NEDD9: variants seen among roughly 807,000 people sequenced by gnomAD.
NEDD9 encodes the protein neural precursor cell expressed, developmentally down-regulated 9.
NEDD9 carries 26 observed loss-of-function variants against 76.6 expected under a neutral mutation model. The observed-to-expected ratio is 0.34, with a 90% confidence interval of 0.25 to 0.47. The LOEUF (loss-of-function observed/expected upper bound fraction) is 0.47, where lower values mean the gene tolerates loss of function less well. Ranked by LOEUF, NEDD9 falls within the 20% of genes least tolerant of loss-of-function variation. The pLI is 1.00. For synonymous variants in NEDD9, 392 were observed against 414.2 expected, an observed-to-expected ratio of 0.95 and a Z score of 0.65; for missense variants, 937 against 1,058.5, an observed-to-expected ratio of 0.89 and a Z score of 1.59.
In NEDD9 at chr6:11,380,798, GTCT is replaced by G. The variant is rs148561911; in HGVS notation, c.-214+1338_-214+1340del. On this transcript the variant is annotated intron_variant, in intron 1 of 3. Coordinates refer to the NEDD9 transcript ENST00000397378. Reference sequence around the variant, plus strand: ...CTGCTTTTATATCTTCCTAGTCATCGTCTTCTTCTTCTTCTTCTTCTTCTTCTT... The same window carrying G: ...CTGCTTTTATATCTTCCTAGTCATCGTCTTCTTCTTCTTCTTCTTCTTCTT... 8.2e-3 allele frequency among the ~76,000 whole-genome samples: 1,234 copies of G among 149,758 alleles called. 8 individuals are homozygous for G. Among genetic ancestry groups the G allele is most frequent in the African/African-American group, 0.02 (817 of 41,122 alleles).
chr6:11,341,034 T>C (rs1401040884), intron 1 of NEDD9, among the ~76,000 whole-genome samples: 1 of 152,178 alleles, frequency 6.6e-6, no homozygotes, highest in Admixed American at 6.5e-5. Context: ...ACCCTTTCCA[T>C]TGACGTCCCC....
intron 3 of NEDD9, among the ~76,000 whole-genome samples, chr6:11,273,307 A>C (rs1382736370): frequency 6.6e-6 from 1 of 152,254 alleles, no homozygotes; most frequent in Non-Finnish European, 1.5e-5. Context: ...ATGTGTATCC[A>C]AGTTGAGATT....
At chr6:11,238,049 T>A (rs1193491612) in intron 3 of NEDD9, among the ~76,000 whole-genome samples, 1 of 152,200 alleles carries the variant, frequency 6.6e-6, no homozygotes, top group African/African-American at 2.4e-5. Context: ...TCCAGAAACC[T>A]CCTCAAAGAC....
chr6:11,329,591 G>A (rs1761992220), intron 2 of NEDD9, among the ~76,000 whole-genome samples: 1 of 152,160 alleles, frequency 6.6e-6, no homozygotes, highest in Non-Finnish European at 1.5e-5. Context: ...CACTTACAAT[G>A]TGCCTGACCT....
At chr6:11,221,884 C>A (rs1411450816) in intron 1 of NEDD9, among the ~76,000 whole-genome samples, 2 of 152,098 alleles carry the variant, frequency 1.3e-5, no homozygotes, top group African/African-American at 2.4e-5. Flanking sequence ...AACAATAAAA[C>A]AACCATCTGG....
chr6:11,342,491 G>A (rs138336975), intron 1 of NEDD9, among the ~76,000 whole-genome samples: 268 of 152,254 alleles, frequency 1.8e-3, no homozygotes, highest in Non-Finnish European at 2.4e-3. Flanking sequence ...ATCAGAAACA[G>A]TAGAGGCTAG....
chr6:11,309,755 T>G (rs1168135635), intron 2 of NEDD9, among the ~76,000 whole-genome samples: 1 of 152,156 alleles, frequency 6.6e-6, no homozygotes, highest in Non-Finnish European at 1.5e-5. Flanking sequence ...TATTTGTATA[T>G]GAAGATACTG....
At chr6:11,211,365 G>T (rs1264206254) in intron 2 of NEDD9, among the ~76,000 whole-genome samples, 1 of 152,108 alleles carries the variant, frequency 6.6e-6, no homozygotes, top group Non-Finnish European at 1.5e-5. Flanking sequence ...GAAAAGGTTG[G>T]GTCTAAAAAG....
intron 3 of NEDD9, among the ~76,000 whole-genome samples, chr6:11,265,879 G>A (rs187944126): frequency 3.3e-4 from 50 of 152,242 alleles, no homozygotes; most frequent in Admixed American, 5.9e-4. Flanking sequence ...CATGTCTTTT[G>A]CAGCAAAATG....
chr6:11,207,361 T>C (rs1169039841), intron 2 of NEDD9: 1 of 152,256 alleles, frequency 6.6e-6, no homozygotes, highest in Non-Finnish European at 1.5e-5. Flanking sequence ...TGTATGTGTA[T>C]GTGTATGTAC....
chr6:11,311,149 G>C (rs1420865177), intron 2 of NEDD9, among the ~76,000 whole-genome samples: 1 of 152,114 alleles, frequency 6.6e-6, no homozygotes, highest in Non-Finnish European at 1.5e-5. Flanking sequence ...CCTTCATCCA[G>C]GCAGGGCAGG....
intron 1 of NEDD9, among the ~76,000 whole-genome samples, chr6:11,347,091 T>A (rs1202502226): frequency 6.6e-6 from 1 of 152,118 alleles, no homozygotes; most frequent in African/African-American, 2.4e-5. Flanking sequence ...CTCAGGTCCT[T>A]GTGTTTCCAC....
chr6:11,343,595 A>G (rs201527364), intron 1 of NEDD9, among the ~76,000 whole-genome samples: 1 of 152,334 alleles, frequency 6.6e-6, no homozygotes, highest in East Asian at 1.9e-4. Context: ...TTGGGCAAGA[A>G]CTTTTGCCTG....
chr6:11,265,915 G>A (rs1226022701), intron 3 of NEDD9, among the ~76,000 whole-genome samples: 2 of 151,790 alleles, frequency 1.3e-5, no homozygotes, highest in African/African-American at 4.9e-5. Context: ...ATTATCTTAA[G>A]TGAAACAAGC....
intron 1 of NEDD9, among the ~76,000 whole-genome samples, chr6:11,340,867 A>C (rs1399193677): frequency 2.6e-5 from 4 of 152,294 alleles, no homozygotes; most frequent in African/African-American, 7.2e-5. Context: ...CTAGAGTAAA[A>C]GCTAGAGTGC....
chr6:11,332,813 A>T (rs1327976798), intron 2 of NEDD9, among the ~76,000 whole-genome samples: 3 of 152,100 alleles, frequency 2.0e-5, no homozygotes, highest in Non-Finnish European at 4.4e-5. Context: ...GTGCTTGATG[A>T]TTGAATGGAT....
intron 2 of NEDD9, among the ~76,000 whole-genome samples, chr6:11,202,542 A>T (rs1758480435): frequency 6.6e-6 from 1 of 152,234 alleles, no homozygotes; most frequent in South Asian, 2.1e-4. Context: ...CCTGCTTAAA[A>T]TCCAAGAGTA....
At chr6:11,355,026 TG>T (rs2113541116) in intron 1 of NEDD9, among the ~76,000 whole-genome samples, 1 of 152,356 alleles carries the variant, frequency 6.6e-6, no homozygotes, top group African/African-American at 2.4e-5. Context: ...TCCATCCTTT[TG>T]TTTTCTTTTA....
At chr6:11,194,621 G>A (rs1012291727) in intron 2 of NEDD9, among the ~76,000 whole-genome samples, 1 of 152,126 alleles carries the variant, frequency 6.6e-6, no homozygotes, top group Non-Finnish European at 1.5e-5. Context: ...GGAGGCACCA[G>A]GAACAGAATT....
Sources: gnomAD v4.1 joint callset for allele counts (sites outside exome capture counted in the v4.1 genomes callset) on GRCh38, gnomAD v4.1.1 for gene constraint, MANE v1.5 for transcripts, NCBI Gene and HGNC (gene_info 2026-07-23, HGNC 2026-07-21) for gene names.